Variants in ANKRD30A observed in about 807,000 individuals in gnomAD.
ANKRD30A encodes ankyrin repeat domain 30A.
A neutral mutation model predicts 166.3 loss-of-function variants in ANKRD30A; 170 were observed. The observed-to-expected ratio is 1.02, with a 90% confidence interval of 0.90 to 1.16. ANKRD30A has a LOEUF of 1.16. ANKRD30A is among the 50% of genes most tolerant of loss of function. The pLI is 0.00. For missense variants in ANKRD30A, 1,630 were observed against 1,518.0 expected, an observed-to-expected ratio of 1.07 and a Z score of -1.23; for synonymous variants, 564 against 508.9, an observed-to-expected ratio of 1.11 and a Z score of -1.46.
In ANKRD30A at chr10:37,127,046, C is replaced by CAAA. The variant is rs71007622; in HGVS notation, c.221+1075_221+1077dup. ...TAGGTGATAGAGTGAAACTCTGTCT[C>CAAA]AAAAAAAAAAAAAAAAAAAAAAAAA... On this transcript the variant is annotated intron_variant, in intron 1 of 35. Coordinates refer to ENST00000361713, the MANE Select transcript of ANKRD30A (RefSeq NM_052997.3). 3.6e-4 allele frequency among the ~76,000 whole-genome samples: 6 copies of CAAA among 16,504 alleles called. 1 individual carries two copies. Among genetic ancestry groups the CAAA allele is most frequent in the Admixed American group, 1.3e-3 (1 of 754 alleles). 10.8% of individuals were successfully genotyped at this position (16,504 alleles called of 152,430 possible). A position where few individuals can be genotyped will look rare whatever the true frequency, so the allele number is the denominator to read the frequency against.
chr10:37,162,680 A>G lies in ANKRD30A; in HGVS notation c.1929+3A>G, dbSNP rs780199373. The G allele has an allele frequency of 1.2e-6, 2 of 1,612,588 alleles. No individual in the cohort carries two copies. The highest frequency in any genetic ancestry group is 1.3e-5 in the African/African-American group (1 of 74,954). Reference sequence around the variant, plus strand: ...CGGGGAAGCCATCTGCCTTCGAGGTATTTAGTTTTATGATTTCATTTTGAA... The same window carrying G: ...CGGGGAAGCCATCTGCCTTCGAGGTGTTTAGTTTTATGATTTCATTTTGAA... On this transcript the variant is annotated splice_donor_region_variant and intron_variant, in intron 16 of 35. Transcript: ENST00000361713.
chr10:37,132,857 G>T (rs1217252601), intron 4 of ANKRD30A, among the ~76,000 whole-genome samples: 3 of 152,078 alleles, frequency 2.0e-5, no homozygotes, highest in African/African-American at 7.3e-5. Context: ...AATTAGCTGG[G>T]CATGATGGCA....
chr10:37,196,911 T>C (rs1841177875), intron 27 of ANKRD30A, among the ~76,000 whole-genome samples: 2 of 152,212 alleles, frequency 1.3e-5, no homozygotes, highest in South Asian at 4.1e-4. Flanking sequence ...TTTCCGAAGA[T>C]AGGCTATGTT....
In ANKRD30A at chr10:37,190,079, T is replaced by C. The variant is rs571073774; in HGVS notation, c.2512+522T>C. Among the ~76,000 whole-genome samples the C allele has an allele frequency of 1.4e-3, 217 of 151,966 alleles. 6 individuals carry two copies. The highest frequency in any genetic ancestry group is 5.1e-3 in the African/African-American group (213 of 41,368). On this transcript the variant is annotated intron_variant, in intron 25 of 35. Transcript: ENST00000361713. ...CATTAGGGATGGAAGCACCTGACCATGGAGAGCTGTGTTCTATTTGCAATA... is the reference window on the plus strand; with the variant it reads ...CATTAGGGATGGAAGCACCTGACCACGGAGAGCTGTGTTCTATTTGCAATA...
intron 34 of ANKRD30A, among the ~76,000 whole-genome samples, chr10:37,224,255 C>T (rs1211959159): frequency 6.6e-6 from 1 of 151,106 alleles, no homozygotes; most frequent in Non-Finnish European, 1.5e-5. Flanking sequence ...TGGTAGTATG[C>T]ATATCTGCTA....
chr10:37,166,518 TA>T (rs1564517953), intron 18 of ANKRD30A, 86 bp from the exon 19 acceptor site: 2 of 1,279,428 alleles, frequency 1.6e-6, no homozygotes, highest in African/African-American at 1.5e-5. Flanking sequence ...ATTGTGTTTT[TA>T]AAAAAGAATT....
chr10:37,241,864 A>C, the ANKRD30A span: 1 of 152,290 alleles, frequency 6.6e-6, no homozygotes, highest in African/African-American at 2.4e-5. Context: ...GAAAAGTTTC[A>C]AGCTTTACTA....
chr10:37,179,212 C>A (rs577830926), intron 24 of ANKRD30A, among the ~76,000 whole-genome samples: 1 of 150,812 alleles, frequency 6.6e-6, no homozygotes, highest in Non-Finnish European at 1.5e-5. Context: ...ACATGCTACA[C>A]GAAACCAGAC....
chr10:37,179,487 T>C (rs1465428336), intron 24 of ANKRD30A, among the ~76,000 whole-genome samples: 8 of 150,494 alleles, frequency 5.3e-5, no homozygotes, highest in Admixed American at 4.6e-4. Context: ...ATACTATTCC[T>C]ACATTATGGG....
the ANKRD30A span, among the ~76,000 whole-genome samples, chr10:37,256,015 C>A: frequency 1.3e-5 from 2 of 152,164 alleles, no homozygotes; most frequent in Non-Finnish European, 2.9e-5. Flanking sequence ...TTTCCTCCTC[C>A]CAGTGCCTGC....
intron 34 of ANKRD30A, among the ~76,000 whole-genome samples, chr10:37,223,580 CT>C (rs748327520): frequency 6.6e-6 from 1 of 151,208 alleles, no homozygotes; most frequent in Non-Finnish European, 1.5e-5. Flanking sequence ...TGCATAAAAA[CT>C]TTTTTACCAA....
In ANKRD30A at chr10:37,125,834, A is replaced by G; in HGVS notation, c.47A>G (p.Glu16Gly). The stretch of plus-strand genomic sequence containing the variant: ...GCTGTCAAGGTCGTGCCGGGCCCGG[A>G]GCGCCCGAGCCCTTTCAGCCAGCTA... ...AAAVKVVPGPERPSPFSQLVY... is the reference protein window; with the variant it reads ...AAAVKVVPGPGRPSPFSQLVY... Residue 16 changes from glutamate to glycine, a missense_variant, in exon 1 of 36, where the codon GAG (glutamate) becomes GGG (glycine). Glu to Gly is a moderately conservative substitution (Grantham distance 98, BLOSUM62 -2). This residue lies in a region of ANKRD30A where 904 missense variants were observed against 818.5 expected (regional missense o/e 1.10). Coordinates refer to ENST00000361713, the MANE Select transcript of ANKRD30A (RefSeq NM_052997.3). 2 of 995,874 alleles carry G rather than the reference A, an allele frequency of 2.0e-6. No individual in the cohort carries two copies. Among genetic ancestry groups the G allele is most frequent in the Non-Finnish European group, 3.0e-6 (2 of 658,476 alleles). 61.7% of individuals were successfully genotyped at this position (995,874 alleles called of 1,614,324 possible).
At chr10:37,177,711 G>T (rs1415845081) in intron 24 of ANKRD30A, 1 of 1,505,942 alleles carries the variant, frequency 6.6e-7, no homozygotes, top group African/African-American at 1.4e-5. Flanking sequence ...TTTACCCAAG[G>T]CTGCGCATCA....
At chr10:37,151,932 A>G (rs765253954) in intron 11 of ANKRD30A, 128 bp from the exon 12 acceptor site, 14 of 767,308 alleles carry the variant, frequency 1.8e-5, no homozygotes, top group Non-Finnish European at 2.4e-5. Flanking sequence ...ATTGTAATCG[A>G]CAAAAAGAAT....
the ANKRD30A span, among the ~76,000 whole-genome samples, chr10:37,254,584 A>G: frequency 6.6e-6 from 1 of 151,750 alleles, no homozygotes; most frequent in African/African-American, 2.4e-5. Flanking sequence ...TGAGTTGTAA[A>G]AGTTCTTTGT....
At chr10:37,154,434 T>C (rs1290779181) in intron 13 of ANKRD30A, among the ~76,000 whole-genome samples, 2 of 152,086 alleles carry the variant, frequency 1.3e-5, no homozygotes, top group African/African-American at 4.8e-5. Context: ...GAGAGGCCTT[T>C]TGTGGGAAAA....
At chr10:37,194,334 C>T (rs1022447952) in intron 27 of ANKRD30A, among the ~76,000 whole-genome samples, 2 of 151,474 alleles carry the variant, frequency 1.3e-5, no homozygotes, top group Non-Finnish European at 2.9e-5. Flanking sequence ...GTTTGCATTT[C>T]TTTCTTCAGT....
the ANKRD30A span, among the ~76,000 whole-genome samples, chr10:37,254,739 G>A: frequency 6.9e-6 from 1 of 144,094 alleles, no homozygotes. Flanking sequence ...GCTGGAGTGT[G>A]GTGACTTGAT....
Position 37,201,295 on chromosome 10 carries a change from G to T in ANKRD30A, c.2839G>T (p.Glu947Ter), listed in dbSNP as rs371663598. 5.0e-6 allele frequency: 8 copies of T among 1,593,034 alleles called. No homozygotes were observed. In the South Asian group the frequency reaches 5.7e-5, roughly 11 times the overall value. ...TGTACCCAAGGCTACACATCAAAAA[G>T]AAATGGATAAAATAAGTGGAAAATT... The part of the protein sequence containing the change: ...VCVPKATHQK[E>*]MDKISGKLED... The change falls in exon 31 of 36, where the codon GAA becomes TAA. Residue 947 changes from glutamate to a stop codon, truncating the protein, a stop_gained. Coordinates refer to ENST00000361713, the MANE Select transcript of ANKRD30A (RefSeq NM_052997.3). LOFTEE classifies it high-confidence loss of function.
Sources: allele counts gnomAD v4.1 joint callset (sites outside exome capture counted in the v4.1 genomes callset), GRCh38; gene constraint gnomAD v4.1.1; regional missense constraint gnomAD v4.1.1; transcripts MANE v1.5; gene names NCBI Gene and HGNC (gene_info 2026-07-23, HGNC 2026-07-21).